IFIH1: variants seen among roughly 807,000 people sequenced by gnomAD.
The protein encoded by IFIH1 is interferon-induced helicase C domain-containing protein 1.
Under a neutral mutation model 107.4 loss-of-function variants are expected in IFIH1, and 125 were observed. The ratio of observed to expected loss-of-function variants is 1.16; its 90% CI spans 1.01 to 1.35. IFIH1 has a LOEUF of 1.35. Ranked by LOEUF, IFIH1 falls within the 40% of genes most tolerant of loss-of-function variation. The pLI, the probability that IFIH1 is intolerant of heterozygous loss-of-function variation, is 0.00. For synonymous variants in IFIH1, 458 were observed against 413.2 expected, an observed-to-expected ratio of 1.11 and a Z score of -1.31; for missense variants, 1,333 against 1,213.7, an observed-to-expected ratio of 1.10 and a Z score of -1.46.
rs1558877393 is a variant in IFIH1 at position 162,314,403 on chromosome 2, CTTTCTT to C, written c.453+3446_453+3451del. Among the ~76,000 whole-genome samples, 33 of 64,818 alleles carry C rather than the reference CTTTCTT, an allele frequency of 5.1e-4. 5 individuals are homozygous for C. Among genetic ancestry groups the C allele is most frequent in the African/African-American group, 2.8e-3 (32 of 11,620 alleles). The allele number at this position is 64,818 out of a possible 152,430, so 42.5% of individuals were successfully genotyped here. A position where few individuals can be genotyped will look rare whatever the true frequency, so the allele number is the denominator to read the frequency against. On this transcript the variant is annotated intron_variant, in intron 1 of 15. Coordinates refer to ENST00000649979, the MANE Select transcript of IFIH1 (RefSeq NM_022168.4). Reference sequence around the variant, plus strand: ...CCCTCCCTCCCTCCCTCCCTCCTTTCTTTCTTTCTTTCTTTTCTTTCTTTCTTTCTT... The same window carrying C: ...CCCTCCCTCCCTCCCTCCCTCCTTTCTCTTTCTTTTCTTTCTTTCTTTCTT...
intron 1 of IFIH1, among the ~76,000 whole-genome samples, 180 bp from the exon 2 acceptor site, chr2:162,311,113 A>C (rs1261470966): frequency 6.7e-6 from 1 of 148,824 alleles, no homozygotes; most frequent in Non-Finnish European, 1.5e-5. Context: ...AGGGAAAAAA[A>C]TCTCCGGGAC....
chr2:162,284,469 T>C (rs558308167), intron 5 of IFIH1, among the ~76,000 whole-genome samples: 1 of 152,122 alleles, frequency 6.6e-6, no homozygotes, highest in South Asian at 2.1e-4. Flanking sequence ...GAGGATGCTG[T>C]ATTGTCAGTA....
At chr2:162,273,344 A>C (rs1691082555) in intron 12 of IFIH1, among the ~76,000 whole-genome samples, 1 of 152,154 alleles carries the variant, frequency 6.6e-6, no homozygotes, top group Admixed American at 6.5e-5. Flanking sequence ...AAACTTCTAA[A>C]CACACAGAAA....
chr2:162,292,954 A>G (rs4664462), intron 4 of IFIH1, among the ~76,000 whole-genome samples: 2 of 151,788 alleles, frequency 1.3e-5, no homozygotes, highest in Non-Finnish European at 2.9e-5. Flanking sequence ...ACAGGAAGTA[A>G]TAATTAAGGT....
At position 162,306,749 on chromosome 2, in the gene IFIH1, G is replaced by C. The variant is rs778501846; in HGVS notation, c.729C>G (p.Asn243Lys). Residue 243 changes from asparagine (N) to lysine (K), a missense_variant, in exon 3 of 16, where the codon AAC (asparagine) becomes AAG (lysine). By Grantham distance (94) the Asn-to-Lys change is moderately conservative. Coordinates refer to ENST00000649979, the MANE Select transcript of IFIH1 (RefSeq NM_022168.4). ...LEKEVWGMEN[N>K]SSESSFADSS... ...AATCTGCAAAAGATGATTCTGATGA[G>C]TTATTCTCCATGCCCCAGACCTCCT... 3.1e-5 allele frequency: 50 copies of C among 1,613,742 alleles called. No homozygotes were observed. The Admixed American group carries it at 8.2e-4, about 26-fold the overall frequency.
chr2:162,310,649 C>G, intron 2 of IFIH1, 116 bp downstream of exon 2: 5 of 773,460 alleles, frequency 6.5e-6, no homozygotes, highest in Non-Finnish European at 8.6e-6. Context: ...ATATGTTCCA[C>G]TCTTAAAATT....
At chr2:162,274,477 ACAT>A (rs945720645) in intron 11 of IFIH1, among the ~76,000 whole-genome samples, 1 of 152,174 alleles carries the variant, frequency 6.6e-6, no homozygotes, top group Non-Finnish European at 1.5e-5. Flanking sequence ...GAAACTGAAA[ACAT>A]CAGCTGCATC....
rs201187869 is a variant in IFIH1, at chr2:162,302,418, G to GT, written c.769+4290dup. 4.9e-3 allele frequency among the ~76,000 whole-genome samples: 745 copies of GT among 152,134 alleles called. 2 individuals are homozygous for GT. The highest frequency in any genetic ancestry group is 0.017 in the African/African-American group (714 of 41,512). The stretch of plus-strand genomic sequence containing the variant: ...ATCATATTTACAGACTTTGTGACAA[G>GT]TTTTTTTCAGTGCTATCTTGGCAAC... On this transcript the variant is annotated intron_variant, in intron 3 of 15. Transcript: ENST00000649979.
rs1379199620 is a variant in IFIH1, at chr2:162,314,398, C to CCCTTCTTT, written c.453+3456_453+3457insAAAGAAGG. On this transcript the variant is annotated intron_variant, in intron 1 of 15. Transcript: ENST00000649979. ...TCCCTCCCTCCCTCCCTCCCTCCCTCCTTTCTTTCTTTCTTTCTTTTCTTT... is the reference window on the plus strand; with the variant it reads ...TCCCTCCCTCCCTCCCTCCCTCCCTCCCTTCTTTCTTTCTTTCTTTCTTTCTTTTCTTT... Among the ~76,000 whole-genome samples, 33 of 67,012 alleles carry CCCTTCTTT rather than the reference C, an allele frequency of 4.9e-4. 2 individuals carry two copies. Among genetic ancestry groups the CCCTTCTTT allele is most frequent in the East Asian group, 3.5e-3 (6 of 1,734 alleles). The allele number at this position is 67,012 out of a possible 152,430, so 44.0% of individuals were successfully genotyped here.
chr2:162,293,471 A>G, intron 4 of IFIH1, 93 bp downstream of exon 4: 1 of 707,092 alleles, frequency 1.4e-6, no homozygotes, highest in East Asian at 2.6e-5. Flanking sequence ...AATTGCATAA[A>G]TACATTAGGG....
intron 3 of IFIH1, among the ~76,000 whole-genome samples, chr2:162,306,251 A>G (rs1286507497): frequency 6.6e-6 from 1 of 152,220 alleles, no homozygotes; most frequent in Non-Finnish European, 1.5e-5. Context: ...CTAGTTCAGC[A>G]TCTGTTCATC....
chr2:162,299,475 T>A (rs931600112), intron 3 of IFIH1, among the ~76,000 whole-genome samples: 19 of 152,186 alleles, frequency 1.2e-4, no homozygotes, highest in African/African-American at 4.3e-4. Context: ...GGAGACAGGA[T>A]TTTTAAAAGG....
chr2:162,296,050 A>C (rs1683080027), intron 3 of IFIH1, among the ~76,000 whole-genome samples: 2 of 152,098 alleles, frequency 1.3e-5, no homozygotes, highest in South Asian at 4.1e-4. Context: ...CTAAAATCTA[A>C]GACTGTATCA....
intron 8 of IFIH1, among the ~76,000 whole-genome samples, chr2:162,278,805 G>A (rs1682755916): frequency 6.6e-6 from 1 of 152,054 alleles, no homozygotes; most frequent in South Asian, 2.1e-4. Flanking sequence ...TTTATATAAA[G>A]TTCAGAATCA....
chr2:162,318,527 G>A lies in IFIH1; in HGVS notation c.-220C>T, dbSNP rs544030113. The stretch of plus-strand genomic sequence containing the variant: ...GGGCAGGCGGGCAGGTGGGCAGCGG[G>A]GCGGCGCGCGGGGCCGCGGCAGGCA... On this transcript the variant is annotated 5_prime_UTR_variant, in exon 1 of 16. Transcript: ENST00000649979. 6.3e-6 allele frequency: 2 copies of A among 315,486 alleles called. No individual in the cohort carries two copies. The highest frequency in any genetic ancestry group is 5.5e-5 in the East Asian group (1 of 18,308). 19.5% of individuals were successfully genotyped at this position (315,486 alleles called of 1,614,324 possible). A position where few individuals can be genotyped will look rare whatever the true frequency, so the allele number is the denominator to read the frequency against.
At position 162,318,270 on chromosome 2, in the gene IFIH1, T is replaced by C. The variant is rs755798314; in HGVS notation, c.38A>G (p.Tyr13Cys). ...CCTGGCCCTGAAGCACGAGATGAGA[T>C]AGCGGAAATTCTCGTCTGTGGAATA... ...NGYSTDENFR[Y>C]LISCFRARVK... The change falls in exon 1 of 16, where the codon TAT becomes TGT. Residue 13 changes from tyrosine (Y) to cysteine (C), a missense_variant. By Grantham distance (194) the Tyr-to-Cys change is radical. Transcript: ENST00000649979. 1 of 1,613,934 alleles carries C rather than the reference T, an allele frequency of 6.2e-7. No individual in the cohort carries two copies. Among genetic ancestry groups the C allele is most frequent in the Non-Finnish European group, 8.5e-7 (1 of 1,179,918 alleles).
At chr2:162,309,065 A>C (rs753601724) in intron 2 of IFIH1, among the ~76,000 whole-genome samples, 5 of 152,190 alleles carry the variant, frequency 3.3e-5, no homozygotes, top group Admixed American at 6.5e-5. Flanking sequence ...CTTATTCCAA[A>C]AAGGAGATAT....
chr2:162,311,630 A>C (rs1394019825), intron 1 of IFIH1, among the ~76,000 whole-genome samples: 1 of 151,790 alleles, frequency 6.6e-6, no homozygotes, highest in Non-Finnish European at 1.5e-5. Context: ...TAGATTAGTA[A>C]ATTTCTTTTA....
chr2:162,318,421 C>T lies in IFIH1; in HGVS notation c.-114G>A. ...TGCCCACTTAGAGAAGCAGGGTCTACCGCTCTGTGCCTGACAATGACGAGG... is the reference window on the plus strand; with the variant it reads ...TGCCCACTTAGAGAAGCAGGGTCTATCGCTCTGTGCCTGACAATGACGAGG... On this transcript the variant is annotated 5_prime_UTR_variant, in exon 1 of 16. Coordinates refer to ENST00000649979, the MANE Select transcript of IFIH1 (RefSeq NM_022168.4). 2 of 842,740 alleles carry T rather than the reference C, an allele frequency of 2.4e-6. No individual in the cohort carries two copies. The highest frequency in any genetic ancestry group is 1.6e-5 in the South Asian group (1 of 63,242). 52.2% of individuals were successfully genotyped at this position (842,740 alleles called of 1,614,324 possible). A position where few individuals can be genotyped will look rare whatever the true frequency, so the allele number is the denominator to read the frequency against.
Sources: allele counts gnomAD v4.1 joint callset (sites outside exome capture counted in the v4.1 genomes callset), GRCh38; gene constraint gnomAD v4.1.1; transcripts MANE v1.5; gene names NCBI Gene and HGNC (gene_info 2026-07-23, HGNC 2026-07-21).